The following KAZN variants were observed in gnomAD, a reference collection of about 807,000 sequenced individuals.
The protein encoded by KAZN is kazrin, periplakin interacting protein, also known as kazrin.
In KAZN, 40 loss-of-function variants were observed where a neutral mutation model predicts 87.4. That is an observed-to-expected ratio of 0.46 (90% CI 0.36 to 0.60). KAZN has a LOEUF of 0.60. KAZN is among the 20% of genes least tolerant of loss of function. The pLI, the probability that KAZN is intolerant of heterozygous loss-of-function variation, is 0.00. For missense variants in KAZN, 898 were observed against 1,073.9 expected, an observed-to-expected ratio of 0.84 and a Z score of 2.29; for synonymous variants, 466 against 458.3, an observed-to-expected ratio of 1.02 and a Z score of -0.22.
intron 1 of KAZN, among the ~76,000 whole-genome samples, chr1:13,994,953 G>A (rs1229112048): frequency 6.6e-6 from 1 of 152,142 alleles, no homozygotes; most frequent in Non-Finnish European, 1.5e-5. Flanking sequence ...AAGTTTCTGG[G>A]TGGGGGGATT....
chr1:14,551,134 G>A (rs929785410), intron 2 of KAZN, among the ~76,000 whole-genome samples: 3 of 151,986 alleles, frequency 2.0e-5, no homozygotes, highest in Non-Finnish European at 4.4e-5. Context: ...CCCATAGATC[G>A]CAACCCCTCA....
chr1:14,431,818 G>C (rs1012196284), intron 2 of KAZN, among the ~76,000 whole-genome samples: 4 of 152,172 alleles, frequency 2.6e-5, no homozygotes, highest in Non-Finnish European at 4.4e-5. Flanking sequence ...CAGACTGAAG[G>C]CTGCACTGTT....
chr1:14,205,580 T>C (rs1390953399), intron 2 of KAZN, among the ~76,000 whole-genome samples: 1 of 152,102 alleles, frequency 6.6e-6, no homozygotes, highest in Non-Finnish European at 1.5e-5. Flanking sequence ...ACACATCCTG[T>C]TGGTGAACAC....
chr1:14,705,583 G>A (rs1029453454), intron 1 of KAZN, among the ~76,000 whole-genome samples: 3 of 152,138 alleles, frequency 2.0e-5, no homozygotes, highest in Non-Finnish European at 4.4e-5. Flanking sequence ...TATACATAAT[G>A]GAATACTATT....
At chr1:15,060,093 T>G in intron 5 of KAZN, 79 bp from the exon 6 acceptor site, 4 of 1,570,620 alleles carry the variant, frequency 2.5e-6, no homozygotes, top group East Asian at 4.5e-5. Context: ...ACGGGGGTGT[T>G]GGGTGGAATA....
intron 2 of KAZN, among the ~76,000 whole-genome samples, chr1:14,211,628 T>C (rs746261821): frequency 6.6e-6 from 1 of 152,158 alleles, no homozygotes; most frequent in African/African-American, 2.4e-5. Flanking sequence ...GGAGATGTCT[T>C]GTATGGGCTT....
At chr1:14,670,087 C>CTCCCT (rs1345712064) in intron 1 of KAZN, among the ~76,000 whole-genome samples, 1 of 152,126 alleles carries the variant, frequency 6.6e-6, no homozygotes, top group Non-Finnish European at 1.5e-5. Flanking sequence ...CGAGAGTCTT[C>CTCCCT]TCCCTTCCCT....
chr1:14,466,406 A>G (rs1037915502), intron 2 of KAZN, among the ~76,000 whole-genome samples: 3 of 152,164 alleles, frequency 2.0e-5, no homozygotes, highest in Non-Finnish European at 2.9e-5. Context: ...AGAAAACCAA[A>G]TGCTGCGTGT....
rs1648229896 is a variant in KAZN, at chr1:14,234,650, T to C, written c.249+54058T>C. On this transcript the variant is annotated intron_variant, in intron 2 of 16. Transcript: ENST00000636203. ...AGATCTGTGCAAGGTGTGGGGGTGGTGGAGGTGATGGTTGAAGTGGGTGGA... is the reference window on the plus strand; with the variant it reads ...AGATCTGTGCAAGGTGTGGGGGTGGCGGAGGTGATGGTTGAAGTGGGTGGA... 2.0e-5 allele frequency among the ~76,000 whole-genome samples: 3 copies of C among 152,034 alleles called. No individual in the cohort carries two copies. In the South Asian group the frequency reaches 6.2e-4, roughly 32 times the overall value.
intron 8 of KAZN, among the ~76,000 whole-genome samples, chr1:15,072,419 T>A (rs1281847674): frequency 6.6e-6 from 1 of 152,170 alleles, no homozygotes; most frequent in Non-Finnish European, 1.5e-5. Flanking sequence ...TCTGGGCTGC[T>A]CTGCCTCAGA....
intron 1 of KAZN, among the ~76,000 whole-genome samples, chr1:13,977,233 T>A (rs1277030143): frequency 2.0e-5 from 3 of 152,232 alleles, no homozygotes; most frequent in Admixed American, 6.5e-5. Context: ...TGGTGAGGTA[T>A]CACAGGTACA....
chr1:14,461,050 G>T (rs186267240), intron 2 of KAZN, among the ~76,000 whole-genome samples: 1 of 152,092 alleles, frequency 6.6e-6, no homozygotes, highest in East Asian at 1.9e-4. Context: ...TTTATCTGTC[G>T]CTATGGTGGC....
chr1:14,837,688 C>CA (rs1206656847), intron 1 of KAZN, among the ~76,000 whole-genome samples: 2 of 151,450 alleles, frequency 1.3e-5, no homozygotes, highest in African/African-American at 4.9e-5. Context: ...GAGTAGCTGG[C>CA]AGATAGGCAT....
At chr1:14,174,452 A>G (rs964707610) in intron 1 of KAZN, among the ~76,000 whole-genome samples, 5 of 152,192 alleles carry the variant, frequency 3.3e-5, no homozygotes, top group African/African-American at 1.2e-4. Flanking sequence ...GGTTTAGCCT[A>G]TCTAAGGCTA....
intron 2 of KAZN, among the ~76,000 whole-genome samples, chr1:14,376,082 G>A (rs1363980569): frequency 6.6e-6 from 1 of 152,098 alleles, no homozygotes; most frequent in Admixed American, 6.5e-5. Flanking sequence ...CAGAAAAGAG[G>A]AGTGTTCATG....
chr1:14,711,517 G>A (rs1291386150), intron 1 of KAZN, among the ~76,000 whole-genome samples: 6 of 152,164 alleles, frequency 3.9e-5, no homozygotes, highest in African/African-American at 1.4e-4. Flanking sequence ...TCCTTGTGTA[G>A]TCCCTTCCTT....
intron 1 of KAZN, among the ~76,000 whole-genome samples, chr1:14,720,675 G>A (rs10754867): frequency 0.7 from 107,122 of 151,960 alleles, 39,657 homozygotes; most frequent in Middle Eastern, 0.87. Context: ...ACTGCCCTTC[G>A]CTCACATCGG....
intron 2 of KAZN, among the ~76,000 whole-genome samples, chr1:14,424,987 G>T (rs971614815): frequency 6.6e-6 from 1 of 152,208 alleles, no homozygotes; most frequent in African/African-American, 2.4e-5. Context: ...TTATGCAAAA[G>T]CACATAATGA....
At chr1:14,049,308 G>T (rs909133050) in intron 1 of KAZN, among the ~76,000 whole-genome samples, 1 of 151,266 alleles carries the variant, frequency 6.6e-6, no homozygotes, top group Non-Finnish European at 1.5e-5. Flanking sequence ...ACACACCGGG[G>T]CCTGTTGTGG....
Sources: gnomAD v4.1 joint callset for allele counts (sites outside exome capture counted in the v4.1 genomes callset) on GRCh38, gnomAD v4.1.1 for gene constraint, MANE v1.5 for transcripts, NCBI Gene and HGNC (gene_info 2026-07-23, HGNC 2026-07-21) for gene names.